Variants in FUT8 observed in about 807,000 individuals in gnomAD.
The protein encoded by FUT8 is alpha-(1,6)-fucosyltransferase.
In FUT8, 29 loss-of-function variants were observed where a neutral mutation model predicts 71.3. The ratio of observed to expected loss-of-function variants is 0.41; its 90% confidence interval spans 0.30 to 0.55. The LOEUF is 0.55. FUT8 is among the 20% of genes least tolerant of loss of function. The pLI, the probability that FUT8 is intolerant of heterozygous loss-of-function variation, is 0.34. For missense variants in FUT8, 544 were observed against 702.1 expected (o/e 0.77, Z 2.55); for synonymous variants, 254 against 239.3 (o/e 1.06, Z -0.57).
chr14:65,682,180 T>C (rs987267898), intron 7 of FUT8, among the ~76,000 whole-genome samples: 13 of 152,304 alleles, frequency 8.5e-5, no homozygotes, highest in African/African-American at 2.9e-4. Flanking sequence ...AAAATGTGGT[T>C]AGTGATGTTA....
chr14:65,512,250 G>A (rs1210142879), intron 2 of FUT8, among the ~76,000 whole-genome samples: 2 of 152,154 alleles, frequency 1.3e-5, no homozygotes, highest in Non-Finnish European at 2.9e-5. Context: ...TGCAACCTGC[G>A]CCTCCTGGTT....
intron 7 of FUT8, among the ~76,000 whole-genome samples, chr14:65,687,764 C>T (rs1190236242): frequency 6.6e-6 from 1 of 151,988 alleles, no homozygotes; most frequent in African/African-American, 2.4e-5. Context: ...AAGAGAGTCC[C>T]ACTCTGTTGA....
At chr14:65,547,482 A>T (rs1885046148) in intron 2 of FUT8, among the ~76,000 whole-genome samples, 1 of 151,624 alleles carries the variant, frequency 6.6e-6, no homozygotes, top group Admixed American at 6.6e-5. Flanking sequence ...AGAAATGAGG[A>T]GGGGGCAGGG....
At chr14:65,592,175 T>A (rs1486295287) in intron 3 of FUT8, among the ~76,000 whole-genome samples, 2 of 152,160 alleles carry the variant, frequency 1.3e-5, no homozygotes, top group Non-Finnish European at 2.9e-5. Flanking sequence ...TTTGGATATA[T>A]ATGAGAGCTT....
chr14:65,708,064 C>T lies in FUT8; in HGVS notation c.836-13711C>T, dbSNP rs373174485. 5.9e-5 allele frequency among the ~76,000 whole-genome samples: 9 copies of T among 152,118 alleles called. No homozygotes were observed. The South Asian group carries it at 8.3e-4, about 14-fold the overall frequency. ...CTGTAGATTGCTTTGGATAGTGATA[C>T]GGTTATGCTTTACATCCCCACCCAA... is the stretch of plus-strand genomic sequence containing the variant. On this transcript the variant is annotated intron_variant, in intron 7 of 10. Coordinates refer to ENST00000673929, the MANE Select transcript of FUT8 (RefSeq NM_001371533.1).
At chr14:65,608,160 G>T (rs1888685716) in intron 3 of FUT8, among the ~76,000 whole-genome samples, 1 of 150,502 alleles carries the variant, frequency 6.6e-6, no homozygotes, top group Non-Finnish European at 1.5e-5. Flanking sequence ...AGTTCATTTT[G>T]TAGTTTAATT....
intron 7 of FUT8, among the ~76,000 whole-genome samples, chr14:65,697,317 C>T (rs1415339746): frequency 6.6e-6 from 1 of 152,116 alleles, no homozygotes; most frequent in African/African-American, 2.4e-5. Flanking sequence ...ATAGGCAGTT[C>T]TTTTAGCTGC....
At chr14:65,644,666 T>C (rs1405134125) in intron 6 of FUT8, among the ~76,000 whole-genome samples, 1 of 152,200 alleles carries the variant, frequency 6.6e-6, no homozygotes, top group Non-Finnish European at 1.5e-5. Flanking sequence ...CGGCCAATTA[T>C]ATTCTTTAAT....
rs2065547273 is a variant in FUT8, at chr14:65,435,800, T to TG, written c.-325-19821_-325-19820insG. Among the ~76,000 whole-genome samples the TG allele has an allele frequency of 1.3e-5, 2 of 152,000 alleles. 1 individual carries two copies. Among genetic ancestry groups the TG allele is most frequent in the African/African-American group, 4.8e-5 (2 of 41,430 alleles). ...TATCTGTTCCTTTTTCTTTCTTTTT[T>TG]TTTTTTTTAATTTTAGCTCTTATAA... On this transcript the variant is annotated intron_variant, in intron 1 of 10. Transcript: ENST00000673929.
chr14:65,715,326 T>C (rs1270464232), intron 7 of FUT8, among the ~76,000 whole-genome samples: 1 of 152,248 alleles, frequency 6.6e-6, no homozygotes, highest in Non-Finnish European at 1.5e-5. Context: ...CTGCATCAAT[T>C]GAAATGATCA....
At chr14:65,397,223 C>T in the FUT8 span, among the ~76,000 whole-genome samples, 2 of 152,160 alleles carry the variant, frequency 1.3e-5, no homozygotes, top group Admixed American at 1.3e-4. This position sits in a 1 kb window ranked among gnomAD's most constrained non-coding sequence, Gnocchi z 4.2. Flanking sequence ...CTTCTGCCCA[C>T]ATTTTATTGG....
intron 6 of FUT8, among the ~76,000 whole-genome samples, chr14:65,637,876 T>C (rs1278792147): frequency 6.6e-6 from 1 of 152,056 alleles, no homozygotes; most frequent in East Asian, 1.9e-4. Context: ...GAGGTAAAGC[T>C]CCCTCCTAGG....
In FUT8 at chr14:65,638,701, C is replaced by T. The variant is rs941787127; in HGVS notation, c.597+9095C>T. On this transcript the variant is annotated intron_variant, in intron 6 of 10. Coordinates refer to ENST00000673929, the MANE Select transcript of FUT8 (RefSeq NM_001371533.1). The surrounding 1 kb of genome is among the most constrained non-coding windows in gnomAD (Gnocchi z 4.5). ...TTTGCCTGATCTCATTTTTCTTTGA[C>T]AGGACTAATTCGTTAAGATAGATTT... Among the ~76,000 whole-genome samples, 17 of 152,082 alleles carry T rather than the reference C, an allele frequency of 1.1e-4. No individual in the cohort carries two copies. The highest frequency in any genetic ancestry group is 3.9e-4 in the African/African-American group (16 of 41,414).
chr14:65,397,891 T>C, the FUT8 span, among the ~76,000 whole-genome samples: 1,865 of 152,354 alleles, frequency 0.012, 18 homozygotes, highest in South Asian at 0.024. The surrounding 1 kb of genome is among the most constrained non-coding windows in gnomAD (Gnocchi z 4.2). Flanking sequence ...ACTTAACTCT[T>C]GTTTATATCA....
intron 2 of FUT8, among the ~76,000 whole-genome samples, chr14:65,504,614 G>C (rs1435077711): frequency 6.6e-6 from 1 of 152,178 alleles, no homozygotes; most frequent in African/African-American, 2.4e-5. Flanking sequence ...CCAGGAACCT[G>C]TTCTCTTTCC....
At chr14:65,684,968 G>A (rs1333606804) in intron 7 of FUT8, among the ~76,000 whole-genome samples, 2 of 152,128 alleles carry the variant, frequency 1.3e-5, no homozygotes, top group Admixed American at 6.5e-5. Flanking sequence ...TGTTTAATTA[G>A]TTTAATTTAA....
At chr14:65,667,493 A>G (rs529340366) in intron 6 of FUT8, among the ~76,000 whole-genome samples, 37 of 152,294 alleles carry the variant, frequency 2.4e-4, no homozygotes, top group African/African-American at 7.9e-4. Context: ...TACAAGGGGA[A>G]TTACAAAACA....
the FUT8 span, among the ~76,000 whole-genome samples, chr14:65,395,271 GA>G: frequency 3.5e-4 from 54 of 152,342 alleles, no homozygotes; most frequent in African/African-American, 1.3e-3. Context: ...GGATCTGGAG[GA>G]TAGTGGCCCT....
At chr14:65,625,063 T>TTATA (rs1318410138) in intron 5 of FUT8, among the ~76,000 whole-genome samples, 4 of 69,104 alleles carry the variant, frequency 5.8e-5, no homozygotes, top group African/African-American at 2.2e-4. Context: ...TGAAACTCTG[T>TTATA]CATAAATAAA....
Sources: gnomAD v4.1 joint callset for allele counts (sites outside exome capture counted in the v4.1 genomes callset) on GRCh38, gnomAD v4.1.1 for gene constraint, Gnocchi (gnomAD v3.1) non-coding constraint, MANE v1.5 for transcripts, NCBI Gene and HGNC (gene_info 2026-07-23, HGNC 2026-07-21) for gene names.